PIP5K1A: variants seen among roughly 807,000 people sequenced by gnomAD.
The protein encoded by PIP5K1A is phosphatidylinositol 4-phosphate 5-kinase type-1 alpha.
In PIP5K1A, 46 loss-of-function variants were observed where a neutral mutation model predicts 72.9. The ratio of observed to expected loss-of-function variants is 0.63; its 90% confidence interval spans 0.50 to 0.81. The LOEUF is 0.81. Ranked by LOEUF, PIP5K1A falls within the 30% of genes least tolerant of loss-of-function variation. The probability of loss-of-function intolerance (pLI) is 0.00; values close to 1 mark genes in which losing one functional copy is unlikely to be tolerated. For missense variants in PIP5K1A, 458 were observed against 706.1 expected (o/e 0.65, Z 3.98); for synonymous variants, 228 against 255.1 (o/e 0.89, Z 1.01).
chr1:151,220,834 A>T (rs180822120), intron 1 of PIP5K1A, among the ~76,000 whole-genome samples: 2 of 151,554 alleles, frequency 1.3e-5, no homozygotes, highest in Non-Finnish European at 2.9e-5. Context: ...TTCTACCTCT[A>T]CCTCCCTGGA....
intron 13 of PIP5K1A, 62 bp downstream of exon 13, chr1:151,242,331 T>G: frequency 6.2e-7 from 1 of 1,603,948 alleles, no homozygotes. Flanking sequence ...TCTGAGCCTT[T>G]ATCTTGTCTG....
At chr1:151,207,277 C>T (rs1686069307) in intron 1 of PIP5K1A, among the ~76,000 whole-genome samples, 1 of 152,200 alleles carries the variant, frequency 6.6e-6, no homozygotes, top group Non-Finnish European at 1.5e-5. Flanking sequence ...TCAAGTGCCT[C>T]TTGGCCATGG....
chr1:151,238,161 T>C (rs1558293137), intron 9 of PIP5K1A, 21 bp from the exon 10 acceptor site: 1 of 1,559,992 alleles, frequency 6.4e-7, no homozygotes, highest in Non-Finnish European at 8.8e-7. Context: ...TTTCTCACCC[T>C]TTCCTTTTTG....
rs977171057 is a variant in PIP5K1A at position 151,234,566 on chromosome 1, T to C, written c.939+70T>C. ...GCTTGATTGTTCTTAGGCATTAAGT[T>C]TGTGGGAGATGGAACTCTGTTCCTT... is the stretch of plus-strand genomic sequence containing the variant. On this transcript the variant is annotated intron_variant, in intron 8 of 15. Transcript: ENST00000368888. 1.7e-5 allele frequency: 21 copies of C among 1,240,476 alleles called. No homozygotes were observed. The Admixed American group carries it at 1.9e-4, about 11-fold the overall frequency. The allele number at this position is 1,240,476 out of a possible 1,614,324, so 76.8% of individuals were successfully genotyped here.
At chr1:151,245,971 G>C (rs1213717796) in intron 14 of PIP5K1A, among the ~76,000 whole-genome samples, 5 of 152,156 alleles carry the variant, frequency 3.3e-5, no homozygotes, top group Non-Finnish European at 7.3e-5. Flanking sequence ...CTCAGTCTGG[G>C]TGTGGTGGCT....
chr1:151,199,616 A>G (rs1452851431), intron 1 of PIP5K1A, among the ~76,000 whole-genome samples: 1 of 150,440 alleles, frequency 6.6e-6, no homozygotes, highest in Non-Finnish European at 1.5e-5. Context: ...CCTGTCTCAA[A>G]AAAAAAAAAA....
chr1:151,207,690 C>G (rs1686132007), intron 1 of PIP5K1A, among the ~76,000 whole-genome samples: 1 of 151,882 alleles, frequency 6.6e-6, no homozygotes, highest in Non-Finnish European at 1.5e-5. Context: ...CGCCACCACG[C>G]CTGGCTAATT....
intron 1 of PIP5K1A, among the ~76,000 whole-genome samples, chr1:151,215,425 G>A (rs1360605883): frequency 6.6e-6 from 1 of 151,674 alleles, no homozygotes; most frequent in Non-Finnish European, 1.5e-5. Context: ...CTGCCTCCTG[G>A]GTTCAAGCGA....
intron 1 of PIP5K1A, among the ~76,000 whole-genome samples, chr1:151,223,317 TCCAGCCTCGGTGA>T (rs1192837668): frequency 1.6e-5 from 2 of 124,076 alleles, no homozygotes; most frequent in African/African-American, 6.3e-5. Flanking sequence ...GCTGTTGCAC[TCCAGCCTCGGTGA>T]CCAGCAAAAC....
At chr1:151,195,870 A>AGTTTACATGG (rs1186527597), upstream of PIP5K1A, among the ~76,000 whole-genome samples, 47 of 141,998 alleles carry the variant, frequency 3.3e-4, no homozygotes, top group Non-Finnish European at 6.9e-4. Flanking sequence ...ACAGCTTTAC[A>AGTTTACATGG]TCAACACCAG....
intron 5 of PIP5K1A, 114 bp from the exon 6 acceptor site, chr1:151,232,134 G>A: frequency 1.3e-6 from 1 of 745,760 alleles, no homozygotes; most frequent in East Asian, 2.4e-5. Flanking sequence ...TATCTTAGGA[G>A]GAATGTATTC....
rs368254946 is a variant in PIP5K1A, at chr1:151,236,679, C to T, written c.1061C>T (p.Ala354Val). 9.3e-6 allele frequency: 15 copies of T among 1,613,700 alleles called. No individual in the cohort carries two copies. In the African/African-American group the frequency reaches 1.5e-4, roughly 16 times the overall value. Residue 354 changes from alanine (A) to valine (V), a missense_variant, in exon 9 of 16, where the codon GCC (alanine) becomes GTC (valine). By Grantham distance (64) the Ala-to-Val change is moderately conservative. Around this residue, in one of 3 missense-constraint regions of PIP5K1A, gnomAD observed 220 missense variants for 442.6 expected, o/e 0.50. Transcript: ENST00000368888. ...TACTCAGTTGATACTCGAAGACCGG[C>T]CCCCCAAAAGGCTCTGTATTCCACA... ...TQYSVDTRRP[A>V]PQKALYSTAM...
intron 1 of PIP5K1A, among the ~76,000 whole-genome samples, chr1:151,215,765 T>G (rs1687500160): frequency 6.6e-6 from 1 of 152,206 alleles, no homozygotes; most frequent in Non-Finnish European, 1.5e-5. Flanking sequence ...GTCAGAGGCT[T>G]CTCCTTCTGC....
At chr1:151,199,258 T>A in intron 1 of PIP5K1A, 177 bp downstream of exon 1, 1 of 1,283,844 alleles carries the variant, frequency 7.8e-7, no homozygotes, top group Admixed American at 2.7e-5. Context: ...AAGGATAAGT[T>A]TGATTAAGAA....
At chr1:151,214,081 A>G (rs1409236030) in intron 1 of PIP5K1A, among the ~76,000 whole-genome samples, 1 of 152,094 alleles carries the variant, frequency 6.6e-6, no homozygotes, top group South Asian at 2.1e-4. Context: ...TCCACTCAAT[A>G]TATTGACATC....
intron 9 of PIP5K1A, 64 bp downstream of exon 9, chr1:151,236,827 T>TC (rs1690950050): frequency 1.9e-6 from 2 of 1,048,836 alleles, no homozygotes; most frequent in East Asian, 2.6e-5. Flanking sequence ...TTTTCTTTTT[T>TC]TTTTTTTTTT....
chr1:151,233,095 G>A (rs1251767790), intron 7 of PIP5K1A, among the ~76,000 whole-genome samples: 2 of 86,506 alleles, frequency 2.3e-5, no homozygotes, highest in Admixed American at 1.3e-4. Context: ...GCAAGACTCC[G>A]TCTCAAAAAA....
At chr1:151,230,836 G>T (rs587732787) in intron 4 of PIP5K1A, among the ~76,000 whole-genome samples, 1 of 152,094 alleles carries the variant, frequency 6.6e-6, no homozygotes, top group Non-Finnish European at 1.5e-5. Flanking sequence ...CTCCGCCCGC[G>T]CCCACCCCAC....
At chr1:151,227,775 A>C (rs1184719941) in intron 4 of PIP5K1A, among the ~76,000 whole-genome samples, 1 of 152,004 alleles carries the variant, frequency 6.6e-6, no homozygotes, top group African/African-American at 2.4e-5. Context: ...GGTCCCAGCT[A>C]CTCGGGATGT....
Sources: gnomAD v4.1 joint callset for allele counts (sites outside exome capture counted in the v4.1 genomes callset) on GRCh38, gnomAD v4.1.1 for gene constraint, gnomAD v4.1.1 regional missense constraint, MANE v1.5 for transcripts, NCBI Gene and HGNC (gene_info 2026-07-23, HGNC 2026-07-21) for gene names.